Variants in AGBL4 observed in about 807,000 individuals in gnomAD.
AGBL4 encodes the protein AGBL carboxypeptidase 4.
A neutral mutation model predicts 66.4 loss-of-function variants in AGBL4; 58 were observed. The observed-to-expected ratio is 0.87, with a 90% CI of 0.71 to 1.09. AGBL4 has a LOEUF of 1.09. Ranked by LOEUF, AGBL4 falls within the 50% of genes least tolerant of loss-of-function variation. The pLI, the probability that AGBL4 is intolerant of heterozygous loss-of-function variation, is 0.00. For synonymous variants in AGBL4, 234 were observed against 222.9 expected (o/e 1.05, Z -0.44); for missense variants, 579 against 631.0 (o/e 0.92, Z 0.88).
rs1033056749 is a variant in AGBL4, at chr1:49,741,759, T to G, written c.158-44322A>C. Among the ~76,000 whole-genome samples, 3 of 152,290 alleles carry G rather than the reference T, an allele frequency of 2.0e-5. No individual in the cohort carries two copies. In the East Asian group the frequency reaches 5.8e-4, roughly 29 times the overall value. ...GGCTGATTCAACATACGAAAATCAA[T>G]AAATGTAGTCCAGCATATAAACAGA... On this transcript the variant is annotated intron_variant, in intron 2 of 13. Transcript: ENST00000371839.
At chr1:48,996,817 C>CCCTTCCTTCCTTCCTTCCTCCCTTCCTT (rs1661036241) in intron 5 of AGBL4, among the ~76,000 whole-genome samples, 3 of 147,866 alleles carry the variant, frequency 2.0e-5, no homozygotes, top group Non-Finnish European at 3.0e-5. Context: ...CTTCCTTCCT[C>CCCTTCCTTCCTTCCTTCCTCCCTTCCTT]CCTTCCTTCC....
chr1:49,937,282 A>G (rs1271673092), intron 1 of AGBL4, among the ~76,000 whole-genome samples: 2 of 152,212 alleles, frequency 1.3e-5, no homozygotes, highest in Non-Finnish European at 2.9e-5. Flanking sequence ...TTCAACAAGA[A>G]GAGCTAACTA....
intron 3 of AGBL4, among the ~76,000 whole-genome samples, chr1:49,290,125 A>T: frequency 6.6e-6 from 1 of 152,254 alleles, no homozygotes. Context: ...TTATTGAAAT[A>T]AATTAGAAAA....
intron 4 of AGBL4, among the ~76,000 whole-genome samples, chr1:49,190,307 C>T (rs1461674548): frequency 1.3e-5 from 2 of 152,192 alleles, no homozygotes; most frequent in East Asian, 3.8e-4. Context: ...TCCCTTGTCT[C>T]CTCAGGGCCT....
At chr1:49,269,785 C>T (rs1237524790) in intron 3 of AGBL4, among the ~76,000 whole-genome samples, 2 of 152,140 alleles carry the variant, frequency 1.3e-5, no homozygotes, top group East Asian at 3.8e-4. Context: ...GATTTTTCCT[C>T]TATGTACACG....
chr1:49,406,479 T>G (rs1645200957), intron 3 of AGBL4, among the ~76,000 whole-genome samples: 1 of 152,162 alleles, frequency 6.6e-6, no homozygotes, highest in African/African-American at 2.4e-5. Flanking sequence ...CAAAGAAAAT[T>G]GGCAGCAATT....
At chr1:49,102,656 T>C (rs980904145) in intron 4 of AGBL4, among the ~76,000 whole-genome samples, 12 of 152,210 alleles carry the variant, frequency 7.9e-5, no homozygotes, top group Non-Finnish European at 1.3e-4. Flanking sequence ...ATCAGTCTAA[T>C]GAATAAATAA....
intron 6 of AGBL4, among the ~76,000 whole-genome samples, chr1:48,791,602 C>A (rs2148730648): frequency 6.6e-6 from 1 of 152,310 alleles, no homozygotes; most frequent in East Asian, 1.9e-4. Context: ...TGTAGTGGAG[C>A]AATCTGAACT....
chr1:49,476,450 AT>A (rs943919580), intron 3 of AGBL4, among the ~76,000 whole-genome samples: 28 of 151,786 alleles, frequency 1.8e-4, no homozygotes, highest in Non-Finnish European at 1.2e-4. Context: ...TTAGGTCCAT[AT>A]TTTTTTCATT....
At chr1:49,339,069 A>AT (rs1645489450) in intron 3 of AGBL4, among the ~76,000 whole-genome samples, 1 of 151,932 alleles carries the variant, frequency 6.6e-6, no homozygotes. Context: ...CTCTTGTGTG[A>AT]TTTTCTCCTT....
chr1:49,824,742 G>A (rs1645463204), intron 2 of AGBL4, among the ~76,000 whole-genome samples: 1 of 152,196 alleles, frequency 6.6e-6, no homozygotes, highest in Non-Finnish European at 1.5e-5. Context: ...CGCATGTGGA[G>A]AACTAAAACT....
At chr1:48,602,379 A>C (rs922762415) in intron 9 of AGBL4, among the ~76,000 whole-genome samples, 4 of 152,112 alleles carry the variant, frequency 2.6e-5, no homozygotes, top group African/African-American at 9.7e-5. Context: ...ATATCCTTCC[A>C]AAATCTCATC....
chr1:49,389,058 G>A (rs1228462220), intron 3 of AGBL4, among the ~76,000 whole-genome samples: 3 of 152,150 alleles, frequency 2.0e-5, no homozygotes, highest in East Asian at 1.9e-4. Flanking sequence ...GAATGAAGAA[G>A]TGACTTGGAA....
At chr1:48,545,073 G>A (rs749993215) in intron 11 of AGBL4, among the ~76,000 whole-genome samples, 1 of 152,152 alleles carries the variant, frequency 6.6e-6, no homozygotes, top group Admixed American at 6.5e-5. Flanking sequence ...GAATAACATA[G>A]GGGTTGGATG....
At chr1:48,671,917 C>A (rs1646283377) in intron 6 of AGBL4, among the ~76,000 whole-genome samples, 4 of 152,192 alleles carry the variant, frequency 2.6e-5, no homozygotes, top group Admixed American at 2.6e-4. Context: ...CTTTTTGAAT[C>A]CACCACTGGC....
At chr1:49,757,946 G>A (rs1219331963) in intron 2 of AGBL4, among the ~76,000 whole-genome samples, 1 of 152,190 alleles carries the variant, frequency 6.6e-6, no homozygotes, top group African/African-American at 2.4e-5. Flanking sequence ...TCCAGGGCAT[G>A]TCAGAGACCT....
At position 49,935,313 on chromosome 1, in the gene AGBL4, A is replaced by G. The variant is rs1307638140; in HGVS notation, c.35-83795T>C. Among the ~76,000 whole-genome samples the G allele has an allele frequency of 5.3e-5, 8 of 152,348 alleles. No individual in the cohort carries two copies. In the East Asian group the frequency reaches 7.7e-4, roughly 15 times the overall value. The stretch of plus-strand genomic sequence containing the variant: ...CCCGCCATTGCCCAGGCTTGCTTAG[A>G]TAAACAAAGCAGCCGGGAAGCTCGA... On this transcript the variant is annotated intron_variant, in intron 1 of 13. Transcript: ENST00000371839.
chr1:49,262,183 T>A (rs577545726), intron 3 of AGBL4, among the ~76,000 whole-genome samples: 5 of 151,914 alleles, frequency 3.3e-5, no homozygotes, highest in South Asian at 2.1e-4. Context: ...AGACTTAAAC[T>A]TTAGACCTAA....
chr1:49,293,418 T>C (rs164829), intron 3 of AGBL4, among the ~76,000 whole-genome samples: 12,246 of 151,980 alleles, frequency 0.081, 684 homozygotes, highest in African/African-American at 0.16. Flanking sequence ...GTCACAGAGG[T>C]TTCTGGCCAG....
Sources: allele counts gnomAD v4.1 joint callset (sites outside exome capture counted in the v4.1 genomes callset), GRCh38; gene constraint gnomAD v4.1.1; transcripts MANE v1.5; gene names NCBI Gene and HGNC (gene_info 2026-07-23, HGNC 2026-07-21).